The following PALS2 variants were observed in gnomAD, a reference collection of about 807,000 sequenced individuals.
The protein encoded by PALS2 is protein PALS2.
A neutral mutation model predicts 61.6 loss-of-function variants in PALS2; 27 were observed. The observed-to-expected ratio is 0.44, with a 90% CI of 0.32 to 0.60. The LOEUF (loss-of-function observed/expected upper bound fraction) is 0.60. PALS2 is among the 20% of genes least tolerant of loss of function. The pLI, the probability that PALS2 is intolerant of heterozygous loss-of-function variation, is 0.05. For missense variants in PALS2, 554 were observed against 639.4 expected (o/e 0.87, Z 1.44); for synonymous variants, 236 against 218.6 (o/e 1.08, Z -0.70).
intron 5 of PALS2, among the ~76,000 whole-genome samples, chr7:24,661,593 A>C (rs1583968953): frequency 6.6e-6 from 1 of 152,312 alleles, no homozygotes; most frequent in East Asian, 1.9e-4. Context: ...AGAAGTAAGG[A>C]GTATGCAGGT....
chr7:24,613,125 G>C (rs534114670), intron 1 of PALS2, among the ~76,000 whole-genome samples: 1 of 151,526 alleles, frequency 6.6e-6, no homozygotes. Flanking sequence ...TGAAGTCTAT[G>C]TAGAAATTGG....
chr7:24,593,691 G>A (rs1783387211), intron 1 of PALS2, among the ~76,000 whole-genome samples: 1 of 152,084 alleles, frequency 6.6e-6, no homozygotes, highest in East Asian at 1.9e-4. Context: ...TATTTTGAAA[G>A]GAATCTTTTT....
intron 9 of PALS2, among the ~76,000 whole-genome samples, chr7:24,669,998 T>C (rs1448179882): frequency 6.6e-6 from 1 of 152,200 alleles, no homozygotes; most frequent in Non-Finnish European, 1.5e-5. Flanking sequence ...ACCCCTTCTC[T>C]TCCCCTGCCT....
chr7:24,649,379 T>G (rs1382929020), intron 3 of PALS2, among the ~76,000 whole-genome samples: 4 of 152,096 alleles, frequency 2.6e-5, no homozygotes, highest in South Asian at 2.1e-4. Context: ...CACTAATATC[T>G]CTTCATATCT....
rs1786972192 is a variant in PALS2 at position 24,665,570 on chromosome 7, T to C, written c.784-18T>C. 1 of 1,610,842 alleles carries C rather than the reference T, an allele frequency of 6.2e-7. No individual in the cohort carries two copies. The highest frequency in any genetic ancestry group is 1.1e-5 in the South Asian group (1 of 90,968). On this transcript the variant is annotated intron_variant, in intron 6 of 11. Transcript: ENST00000222644. ...AATTTTGGTCACTGAGATGTACAAT[T>C]CATTAATTTGATTCTAGGCTAGCCA...
chr7:24,641,472 G>A (rs990693058), intron 2 of PALS2, among the ~76,000 whole-genome samples: 12 of 151,804 alleles, frequency 7.9e-5, no homozygotes, highest in Non-Finnish European at 1.6e-4. Flanking sequence ...TTTTTTCATG[G>A]TTTAGTTATA....
At chr7:24,623,964 C>T in intron 2 of PALS2, 180 bp downstream of exon 2, 1 of 1,050,330 alleles carries the variant, frequency 9.5e-7, no homozygotes, top group Non-Finnish European at 1.4e-6. Context: ...TTTCTCTTTT[C>T]TACTCTGACT....
At chr7:24,656,293 A>G (rs1786414143) in intron 5 of PALS2, among the ~76,000 whole-genome samples, 1 of 152,120 alleles carries the variant, frequency 6.6e-6, no homozygotes, top group Non-Finnish European at 1.5e-5. Context: ...TCATCCATTT[A>G]ATTTTTCTCC....
At chr7:24,646,033 CA>C (rs1293868145) in intron 3 of PALS2, among the ~76,000 whole-genome samples, 1 of 152,012 alleles carries the variant, frequency 6.6e-6, no homozygotes, top group African/African-American at 2.4e-5. Flanking sequence ...CTGAAGTTAT[CA>C]GCTGGAGGAG....
intron 1 of PALS2, among the ~76,000 whole-genome samples, chr7:24,609,052 T>C (rs1784024345): frequency 1.3e-5 from 2 of 152,222 alleles, no homozygotes; most frequent in African/African-American, 4.8e-5. Flanking sequence ...CTAACAAAAA[T>C]AAAATGTTAA....
At position 24,676,978 on chromosome 7, in the gene PALS2, T is replaced by G. The variant is rs1029139099; in HGVS notation, c.1115-2153T>G. Among the ~76,000 whole-genome samples the G allele has an allele frequency of 9.3e-5, 14 of 151,244 alleles. 1 individual carries two copies. Among genetic ancestry groups the G allele is most frequent in the African/African-American group, 3.5e-4 (14 of 40,486 alleles). ...AAATTACCTTGGGCAGTATGGCCAT[T>G]TTCACGATATTGATTCTTCCTACCC... On this transcript the variant is annotated intron_variant, in intron 9 of 11. Coordinates refer to ENST00000222644, the MANE Select transcript of PALS2 (RefSeq NM_001303037.2).
At chr7:24,628,003 C>G (rs544646264) in intron 2 of PALS2, among the ~76,000 whole-genome samples, 1 of 152,298 alleles carries the variant, frequency 6.6e-6, no homozygotes, top group South Asian at 2.1e-4. Context: ...AGAGACTCCT[C>G]CCTAACTCAT....
chr7:24,684,958 CTTTTG>C (rs1480972611), intron 11 of PALS2, among the ~76,000 whole-genome samples: 3 of 150,826 alleles, frequency 2.0e-5, no homozygotes, highest in Admixed American at 6.6e-5. Context: ...TTTCCTTCAA[CTTTTG>C]TTTTAAGTTC....
chr7:24,668,459 T>C, intron 8 of PALS2, 40 bp from the exon 9 acceptor site: 1 of 1,559,160 alleles, frequency 6.4e-7, no homozygotes, highest in Non-Finnish European at 8.8e-7. Flanking sequence ...TTCATGTATA[T>C]AAAAGTTGAC....
chr7:24,663,488 C>A, intron 5 of PALS2, 102 bp from the exon 6 acceptor site: 1 of 1,126,446 alleles, frequency 8.9e-7, no homozygotes. Flanking sequence ...GTACTAAATA[C>A]ATTGTCAGTT....
intron 2 of PALS2, among the ~76,000 whole-genome samples, chr7:24,625,458 T>C (rs1784700699): frequency 6.6e-6 from 1 of 152,218 alleles, no homozygotes; most frequent in Non-Finnish European, 1.5e-5. Context: ...TCAACAACTT[T>C]TGAATTGAAA....
intron 11 of PALS2, among the ~76,000 whole-genome samples, chr7:24,681,137 C>T (rs1003647928): frequency 6.6e-6 from 1 of 152,034 alleles, no homozygotes; most frequent in Non-Finnish European, 1.5e-5. Flanking sequence ...AGATCATTAA[C>T]AGGCATGTTT....
At chr7:24,674,477 A>G (rs1262531201) in intron 9 of PALS2, 3 of 152,942 alleles carry the variant, frequency 2.0e-5, no homozygotes, top group African/African-American at 7.2e-5. Flanking sequence ...AAAGCCCTCC[A>G]CAGAACCTTT....
rs183139843 is a variant in PALS2 at position 24,648,387 on chromosome 7, G to C, written c.271-1225G>C. Among the ~76,000 whole-genome samples the C allele has an allele frequency of 6.0e-3, 896 of 150,214 alleles. 8 individuals carry two copies. The highest frequency in any genetic ancestry group is 0.02 in the African/African-American group (825 of 40,870). On this transcript the variant is annotated intron_variant, in intron 3 of 11. Coordinates refer to ENST00000222644, the MANE Select transcript of PALS2 (RefSeq NM_001303037.2). ...GGCTCACTGCAACCTCTGCCTCCCG[G>C]GTTCAAGCAGTTCTCCTGCCTCAGC...
Sources: gnomAD v4.1 joint callset for allele counts (sites outside exome capture counted in the v4.1 genomes callset) on GRCh38, gnomAD v4.1.1 for gene constraint, MANE v1.5 for transcripts, NCBI Gene and HGNC (gene_info 2026-07-23, HGNC 2026-07-21) for gene names.